TENM4: variants seen among roughly 807,000 people sequenced by gnomAD.
TENM4 encodes teneurin transmembrane protein 4, also known as teneurin-4.
A neutral mutation model predicts 243.3 loss-of-function variants in TENM4; 82 were observed. The ratio of observed to expected loss-of-function variants is 0.34; its 90% CI spans 0.28 to 0.40. The LOEUF (loss-of-function observed/expected upper bound fraction) is 0.40. Among genes scored for constraint, TENM4 ranks in the 10% least tolerant of loss-of-function variants. The pLI is 1.00. For synonymous variants in TENM4, 1,412 were observed against 1,456.3 expected (o/e 0.97, Z 0.69); for missense variants, 3,138 against 3,673.3 (o/e 0.85, Z 3.77).
At chr11:79,080,957 C>T (rs1860653713) in intron 4 of TENM4, among the ~76,000 whole-genome samples, 1 of 152,190 alleles carries the variant, frequency 6.6e-6, no homozygotes, top group African/African-American at 2.4e-5. Flanking sequence ...ATCACACGTC[C>T]CCTACTGCGT....
intron 6 of TENM4, among the ~76,000 whole-genome samples, chr11:78,974,484 T>C (rs1195683821): frequency 1.3e-5 from 2 of 152,080 alleles, no homozygotes; most frequent in Non-Finnish European, 2.9e-5. Context: ...GCAAGTAAGA[T>C]CTGGATTTAA....
intron 7 of TENM4, among the ~76,000 whole-genome samples, chr11:78,898,761 T>A (rs1181986629): frequency 6.6e-6 from 1 of 152,204 alleles, no homozygotes; most frequent in African/African-American, 2.4e-5. Flanking sequence ...GCTGGGGATC[T>A]CAGGGCAATT....
rs750979713 is a variant in TENM4, at chr11:78,670,065, T to A, written c.6280A>T (p.Met2094Leu). 6.2e-7 allele frequency: 1 copy of A among 1,613,868 alleles called. No homozygotes were observed. Among genetic ancestry groups the A allele is most frequent in the East Asian group, 2.2e-5 (1 of 44,888 alleles). Residue 2094 changes from methionine to leucine, a missense_variant, in exon 32 of 34, where the codon ATG becomes TTG. Met to Leu is a conservative substitution (Grantham distance 15). Around this residue, in one of 2 missense-constraint regions of TENM4, gnomAD observed 2,467 missense variants for 3,059.1 expected, o/e 0.81. Transcript: ENST00000278550. ...GGGGTCTCGTTGATCACAGCCTGCA[T>A]GCTGGTCACCCGGAAGCTGTTGTCA... Reference protein sequence around the residue: ...NYDNSFRVTSMQAVINETPLP... With the variant: ...NYDNSFRVTSLQAVINETPLP...
At chr11:79,300,748 A>G (rs1856537435) in intron 1 of TENM4, among the ~76,000 whole-genome samples, 1 of 152,138 alleles carries the variant, frequency 6.6e-6, no homozygotes, top group South Asian at 2.1e-4. Flanking sequence ...TGGGAATTGC[A>G]TGTTCGTTAT....
chr11:78,904,359 C>CA (rs61503457), intron 6 of TENM4, among the ~76,000 whole-genome samples: 2,379 of 77,166 alleles, frequency 0.031, 89 homozygotes, highest in Non-Finnish European at 0.036. Flanking sequence ...GACTCTGTCT[C>CA]AAAAAAAAAA....
rs551995705 is a variant in TENM4, at chr11:79,145,058, C to T, written c.-66+3652G>A. Among the ~76,000 whole-genome samples, 559 of 151,736 alleles carry T rather than the reference C, an allele frequency of 3.7e-3. 4 individuals are homozygous for T. The highest frequency in any genetic ancestry group is 4.5e-3 in the Non-Finnish European group (305 of 67,890). ...TCACGTGCCCCATAAATATATATAC[C>T]TACTATGAACCCATAAAAACTAAAA... On this transcript the variant is annotated intron_variant, in intron 4 of 33. Transcript: ENST00000278550.
chr11:78,958,742 C>T (rs1857258356), intron 6 of TENM4, among the ~76,000 whole-genome samples: 1 of 152,210 alleles, frequency 6.6e-6, no homozygotes, highest in Non-Finnish European at 1.5e-5. Context: ...CTCCAACAGC[C>T]TCAGCTCCCA....
intron 6 of TENM4, among the ~76,000 whole-genome samples, chr11:79,057,729 A>G (rs1258897565): frequency 6.6e-6 from 1 of 152,142 alleles, no homozygotes; most frequent in Non-Finnish European, 1.5e-5. Context: ...GGTGCTCAAC[A>G]AATAGTTGTG....
chr11:78,988,057 CG>C (rs1482746578), intron 6 of TENM4, among the ~76,000 whole-genome samples: 1 of 152,164 alleles, frequency 6.6e-6, no homozygotes, highest in Non-Finnish European at 1.5e-5. Context: ...CTCAGTAGAG[CG>C]GACCTGTGAT....
chr11:79,380,965 C>G (rs776998184), intron 1 of TENM4, among the ~76,000 whole-genome samples: 1 of 152,150 alleles, frequency 6.6e-6, no homozygotes, highest in Non-Finnish European at 1.5e-5. Context: ...ATGAGAATAA[C>G]TTCCCTGTAG....
chr11:79,293,932 G>A (rs746130343), intron 2 of TENM4, among the ~76,000 whole-genome samples: 14 of 152,194 alleles, frequency 9.2e-5, no homozygotes, highest in Non-Finnish European at 1.8e-4. Context: ...GGCAGAAAGA[G>A]GTTCTGAGCT....
intron 1 of TENM4, among the ~76,000 whole-genome samples, chr11:79,399,694 G>C: frequency 6.6e-6 from 1 of 152,130 alleles, no homozygotes; most frequent in Non-Finnish European, 1.5e-5. Flanking sequence ...CAAAAAAAAA[G>C]AGAGAAACAG....
In TENM4 at chr11:78,934,909, T is replaced by C. The variant is rs546340157; in HGVS notation, c.494-31386A>G. ...GAGTAGAGGAACTTTTGATTTACTA[T>C]GCAGGAGGGGGTTGTGTTTCATGAC... On this transcript the variant is annotated intron_variant, in intron 6 of 33. Transcript: ENST00000278550. Among the ~76,000 whole-genome samples, 5 of 151,994 alleles carry C rather than the reference T, an allele frequency of 3.3e-5. No individual in the cohort carries two copies. The East Asian group carries it at 7.7e-4, about 23-fold the overall frequency.
intron 1 of TENM4, among the ~76,000 whole-genome samples, chr11:79,435,463 C>G (rs1180461585): frequency 1.3e-5 from 2 of 152,142 alleles, no homozygotes; most frequent in Non-Finnish European, 2.9e-5. Context: ...GCTGATAGAC[C>G]ATGTAAGAAG....
At chr11:78,729,273 A>G in intron 22 of TENM4, 103 bp downstream of exon 22, 1 of 1,289,306 alleles carries the variant, frequency 7.8e-7, no homozygotes, top group Non-Finnish European at 1.1e-6. Context: ...AGCCTTAGGT[A>G]TTTTTGATCT....
intron 4 of TENM4, among the ~76,000 whole-genome samples, chr11:79,090,438 C>T (rs1591274766): frequency 6.6e-6 from 1 of 152,230 alleles, no homozygotes; most frequent in Admixed American, 6.5e-5. Context: ...AGGCAGGTGG[C>T]GAGCTGCCTA....
intron 6 of TENM4, among the ~76,000 whole-genome samples, chr11:78,905,863 G>T (rs991541771): frequency 1.3e-5 from 2 of 152,216 alleles, no homozygotes; most frequent in Non-Finnish European, 2.9e-5. Context: ...GAATGTGCAG[G>T]GTCATTTGTT....
Position 78,722,811 on chromosome 11 carries a change from G to A in TENM4, c.3657C>T (p.Ser1219=). The change falls in exon 24 of 34, where the codon AGC becomes AGT. Residue 1219 remains serine (S), a synonymous_variant. Transcript: ENST00000278550. ...NGRRRSISCP[S]CNGLADGNKL... ...TGTTGCCGTCAGCAAGGCCGTTGCA[G>A]CTGGGGCAGGAGATGCTTCTCCGGC... 6.2e-7 allele frequency: 1 copy of A among 1,614,068 alleles called. No homozygotes were observed. The highest frequency in any genetic ancestry group is 8.5e-7 in the Non-Finnish European group (1 of 1,179,902).
chr11:79,325,386 A>AACTC (rs1176791174), intron 1 of TENM4, among the ~76,000 whole-genome samples: 1 of 152,160 alleles, frequency 6.6e-6, no homozygotes, highest in Non-Finnish European at 1.5e-5. Context: ...ATGGAATTAG[A>AACTC]ACTCACAGCT....
Sources: gnomAD v4.1 joint callset for allele counts (sites outside exome capture counted in the v4.1 genomes callset) on GRCh38, gnomAD v4.1.1 for gene constraint, gnomAD v4.1.1 regional missense constraint, MANE v1.5 for transcripts, NCBI Gene and HGNC (gene_info 2026-07-23, HGNC 2026-07-21) for gene names.